AK3: variants seen among roughly 807,000 people sequenced by gnomAD.
The protein encoded by AK3 is adenylate kinase 3, also known as GTP:AMP phosphotransferase AK3, mitochondrial.
In AK3, 27 loss-of-function variants were observed where a neutral mutation model predicts 23.7. The ratio of observed to expected loss-of-function variants is 1.14; its 90% CI spans 0.84 to 1.57. The LOEUF is 1.57. Ranked by LOEUF, AK3 falls within the 40% of genes most tolerant of loss-of-function variation. AK3 has a pLI of 0.00. For missense variants in AK3, 406 were observed against 285.6 expected (o/e 1.42, Z -3.04); for synonymous variants, 159 against 116.0 (o/e 1.37, Z -2.38).
chr9:4,738,073 G>C (rs927561281), intron 1 of AK3, among the ~76,000 whole-genome samples: 1 of 152,092 alleles, frequency 6.6e-6, no homozygotes, highest in Admixed American at 6.5e-5. Context: ...TTATGTGCAG[G>C]GATAGTCATA....
chr9:4,741,075 C>G lies in AK3; in HGVS notation c.13G>C (p.Ala5Pro). Residue 5 changes from alanine (A) to proline (P), a missense_variant, in exon 1 of 5, where the codon GCG becomes CCG. Transcript: ENST00000381809. The stretch of plus-strand genomic sequence containing the variant: ...ATGATCACCGCTCGCAGCAGCCGCG[C>G]GGACGCCCCCATGGCCGCAGACTGA... The part of the protein sequence containing the change: MGAS[A>P]RLLRAVIMGA... 6.5e-7 allele frequency: 1 copy of G among 1,545,916 alleles called. No individual in the cohort carries two copies. Among genetic ancestry groups the G allele is most frequent in the Non-Finnish European group, 8.7e-7 (1 of 1,148,116 alleles).
Position 4,712,977 on chromosome 9 carries a change from C to T in AK3, c.683G>A (p.Ter228=), listed in dbSNP as rs375251919. The change falls in exon 5 of 5, where the codon TGA becomes TAA. Residue 228 remains the stop codon, a stop_retained_variant. Transcript: ENST00000381809. ...ATTAATAGTTACACACATTTCTCCTCATGGAGTAACTGAAGCTTTCTGGCT... is the reference window on the plus strand; with the variant it reads ...ATTAATAGTTACACACATTTCTCCTTATGGAGTAACTGAAGCTTTCTGGCT... ...QRSQKASVTP[*] 1.2e-6 allele frequency: 2 copies of T among 1,612,778 alleles called. No homozygotes were observed. The highest frequency in any genetic ancestry group is 1.3e-5 in the African/African-American group (1 of 74,902).
Position 4,719,130 on chromosome 9 carries a change from C to G in AK3, c.444+5G>C, listed in dbSNP as rs1382009398. On this transcript the variant is annotated splice_donor_5th_base_variant and intron_variant, in intron 3 of 4. Coordinates refer to ENST00000381809, the MANE Select transcript of AK3 (RefSeq NM_016282.4). ...CTATGTGACAGTTCCACAACAACTA[C>G]TCACCACAGTTTTGGGAGGGTTGAA... 1 of 1,611,838 alleles carries G rather than the reference C, an allele frequency of 6.2e-7. No individual in the cohort carries two copies.
intron 4 of AK3, among the ~76,000 whole-genome samples, chr9:4,718,120 G>A (rs568179237): frequency 6.6e-6 from 1 of 152,198 alleles, no homozygotes; most frequent in African/African-American, 2.4e-5. Flanking sequence ...TCATAGAAGA[G>A]GAAGCCCTGG....
At chr9:4,733,949 G>A (rs1406670371) in intron 1 of AK3, among the ~76,000 whole-genome samples, 1 of 152,146 alleles carries the variant, frequency 6.6e-6, no homozygotes, top group Non-Finnish European at 1.5e-5. Flanking sequence ...ACTTCCAAAT[G>A]TCACAGACTT....
chr9:4,737,670 G>C (rs1205844820), intron 1 of AK3, among the ~76,000 whole-genome samples: 1 of 152,114 alleles, frequency 6.6e-6, no homozygotes, highest in East Asian at 1.9e-4. Flanking sequence ...AGTAAGCCGA[G>C]ATCGTGCCAC....
At chr9:4,714,071 T>C (rs1269462411) in intron 4 of AK3, among the ~76,000 whole-genome samples, 12 of 97,128 alleles carry the variant, frequency 1.2e-4, no homozygotes, top group Admixed American at 8.0e-4. Flanking sequence ...TATACACACC[T>C]ACACATATAC....
chr9:4,709,732 T>A lies in AK3; in HGVS notation c.*3244A>T, dbSNP rs1441302468. On this transcript the variant is annotated 3_prime_UTR_variant, in exon 5 of 5. Coordinates refer to ENST00000381809, the MANE Select transcript of AK3 (RefSeq NM_016282.4). ...CACTATTTTAACTGTTTAAAAATTT[T>A]TTAACCATAACTTCCAAGATGAAAA... The A allele has an allele frequency of 6.6e-6, 1 of 152,236 alleles. No homozygotes were observed. The highest frequency in any genetic ancestry group is 1.5e-5 in the Non-Finnish European group (1 of 68,040). The allele number at this position is 152,236 out of a possible 1,614,324, so 9.4% of individuals were successfully genotyped here. A position where few individuals can be genotyped will look rare whatever the true frequency, so the allele number is the denominator to read the frequency against.
intron 2 of AK3, among the ~76,000 whole-genome samples, chr9:4,722,217 G>A (rs1372551737): frequency 6.6e-6 from 1 of 152,194 alleles, no homozygotes; most frequent in Non-Finnish European, 1.5e-5. Context: ...TTACTCTTGG[G>A]TCTTGCTTCT....
chr9:4,736,665 C>T (rs900808763), intron 1 of AK3, among the ~76,000 whole-genome samples: 2 of 152,030 alleles, frequency 1.3e-5, no homozygotes, highest in Admixed American at 1.3e-4. Context: ...TAAGGGTTGG[C>T]CGTCTAGTCT....
At chr9:4,714,775 C>T (rs1217133641) in intron 4 of AK3, among the ~76,000 whole-genome samples, 3 of 152,164 alleles carry the variant, frequency 2.0e-5, no homozygotes, top group Non-Finnish European at 4.4e-5. Context: ...TATAATGTCC[C>T]ACAGCTAAAA....
intron 1 of AK3, among the ~76,000 whole-genome samples, chr9:4,737,470 T>G (rs1364179613): frequency 6.6e-6 from 1 of 152,030 alleles, no homozygotes; most frequent in Non-Finnish European, 1.5e-5. Flanking sequence ...AAAAGAGAGG[T>G]CTGACTCTGA....
At chr9:4,719,355 TG>T (rs764633515) in intron 2 of AK3, 48 bp from the exon 3 acceptor site, 4 of 65,702 alleles carry the variant, frequency 6.1e-5, no homozygotes, top group African/African-American at 2.5e-4. Context: ...AAAGGAAGTA[TG>T]GGGTGGGGGT....
rs191892830 is a variant in AK3, at chr9:4,712,463, A to C, written c.*513T>G. On this transcript the variant is annotated 3_prime_UTR_variant, in exon 5 of 5. Coordinates refer to ENST00000381809, the MANE Select transcript of AK3 (RefSeq NM_016282.4). The stretch of plus-strand genomic sequence containing the variant: ...TTTCTTAGTGTAAAGGCAGCAGTGA[A>C]TTTGTGTCTCACAATAAATCTGTAA... 100 of 152,476 alleles carry C rather than the reference A, an allele frequency of 6.6e-4. 1 individual carries two copies. Among genetic ancestry groups the C allele is most frequent in the African/African-American group, 2.4e-3 (99 of 41,582 alleles). The allele number at this position is 152,476 out of a possible 1,614,324, so 9.4% of individuals were successfully genotyped here.
At chr9:4,717,556 C>G (rs1324419000) in intron 4 of AK3, among the ~76,000 whole-genome samples, 3 of 152,224 alleles carry the variant, frequency 2.0e-5, no homozygotes, top group Non-Finnish European at 2.9e-5. Context: ...CCTGCCTCCC[C>G]TACCGACAAT....
At chr9:4,729,298 C>A (rs538754939) in intron 1 of AK3, among the ~76,000 whole-genome samples, 3 of 152,216 alleles carry the variant, frequency 2.0e-5, no homozygotes, top group African/African-American at 7.2e-5. Context: ...GCATGAGCCA[C>A]TGCACCCAGC....
intron 1 of AK3, among the ~76,000 whole-genome samples, chr9:4,734,353 G>A (rs1175486327): frequency 1.4e-5 from 2 of 143,422 alleles, no homozygotes; most frequent in African/African-American, 5.0e-5. Flanking sequence ...TGTTACGGCA[G>A]CCTGAGCTGA....
chr9:4,735,417 A>G (rs1464476837), intron 1 of AK3, among the ~76,000 whole-genome samples: 1 of 130,998 alleles, frequency 7.6e-6, no homozygotes, highest in African/African-American at 3.1e-5. Flanking sequence ...AAATATATAT[A>G]CATATATAAA....
At chr9:4,719,479 G>C (rs913401029) in intron 2 of AK3, among the ~76,000 whole-genome samples, 172 bp from the exon 3 acceptor site, 1 of 152,212 alleles carries the variant, frequency 6.6e-6, no homozygotes, top group South Asian at 2.1e-4. Context: ...AACTGTGATG[G>C]TTACCTGTCA....
Sources: gnomAD v4.1 joint callset for allele counts (sites outside exome capture counted in the v4.1 genomes callset) on GRCh38, gnomAD v4.1.1 for gene constraint, MANE v1.5 for transcripts, NCBI Gene and HGNC (gene_info 2026-07-23, HGNC 2026-07-21) for gene names.